THSD4: variants seen among roughly 807,000 people sequenced by gnomAD.
The protein encoded by THSD4 is thrombospondin type 1 domain containing 4.
Under a neutral mutation model 119.0 loss-of-function variants are expected in THSD4, and 69 were observed. That is an observed-to-expected ratio of 0.58 (90% confidence interval 0.48 to 0.71). The LOEUF is 0.71. Ranked by LOEUF, THSD4 falls within the 30% of genes least tolerant of loss-of-function variation. THSD4 has a pLI of 0.00. For synonymous variants in THSD4, 524 were observed against 540.4 expected, an observed-to-expected ratio of 0.97 and a Z score of 0.42; for missense variants, 1,393 against 1,391.1, an observed-to-expected ratio of 1.00 and a Z score of -0.02.
chr15:71,569,169 G>GC (rs1377241102), intron 7 of THSD4, among the ~76,000 whole-genome samples: 2 of 152,252 alleles, frequency 1.3e-5, no homozygotes, highest in East Asian at 3.8e-4. Flanking sequence ...CTGGTCAGGA[G>GC]CCCTGAAGCA....
At chr15:71,339,400 C>G (rs1306299943) in intron 6 of THSD4, among the ~76,000 whole-genome samples, 2 of 152,130 alleles carry the variant, frequency 1.3e-5, no homozygotes, top group Admixed American at 6.5e-5. Context: ...ATCCCCTCCC[C>G]CAACCGTCAC....
intron 6 of THSD4, among the ~76,000 whole-genome samples, chr15:71,262,240 C>T (rs904699256): frequency 6.6e-6 from 1 of 152,254 alleles, no homozygotes; most frequent in African/African-American, 2.4e-5. Context: ...GGTGACCTAT[C>T]CTTAGATAAT....
At chr15:71,522,858 A>AT (rs1168433643) in intron 7 of THSD4, among the ~76,000 whole-genome samples, 1 of 152,190 alleles carries the variant, frequency 6.6e-6, no homozygotes, top group Non-Finnish European at 1.5e-5. Flanking sequence ...GAAAAGGAAG[A>AT]TCTAGTAAGT....
chr15:71,253,975 A>G (rs940874864), intron 5 of THSD4, among the ~76,000 whole-genome samples: 1 of 152,208 alleles, frequency 6.6e-6, no homozygotes, highest in African/African-American at 2.4e-5. Flanking sequence ...CTGAATGTGC[A>G]TTGGTTTGTG....
intron 3 of THSD4, among the ~76,000 whole-genome samples, chr15:71,191,456 C>A (rs998608446): frequency 6.6e-6 from 1 of 152,228 alleles, no homozygotes. Context: ...ATTGGCCATT[C>A]GTGCCTTTGC....
intron 7 of THSD4, among the ~76,000 whole-genome samples, chr15:71,628,025 T>C (rs534763279): frequency 6.6e-6 from 1 of 152,272 alleles, no homozygotes; most frequent in Admixed American, 6.5e-5. Context: ...AGAGTTTGGG[T>C]GCCCCAGAGT....
At chr15:71,102,883 T>C (rs534366181) in intron 1 of THSD4, among the ~76,000 whole-genome samples, 1 of 152,314 alleles carries the variant, frequency 6.6e-6, no homozygotes, top group Non-Finnish European at 1.5e-5. Context: ...ATATCTTCTT[T>C]TTTCCCCCCT....
Position 71,154,942 on chromosome 15 carries a change from G to A in THSD4, c.99+10G>A, listed in dbSNP as rs1275599433. ...CACTCAACACAGGAAGGTAAGCCAT[G>A]GCCATCCAGAGGTTTTCTTCTCTGC... is the stretch of plus-strand genomic sequence containing the variant. On this transcript the variant is annotated intron_variant, in intron 3 of 17. Transcript: ENST00000261862. 6.2e-7 allele frequency: 1 copy of A among 1,613,888 alleles called. No individual in the cohort carries two copies. The highest frequency in any genetic ancestry group is 2.2e-5 in the East Asian group (1 of 44,888).
At chr15:71,629,785 T>C (rs1439197768) in intron 7 of THSD4, among the ~76,000 whole-genome samples, 1 of 152,206 alleles carries the variant, frequency 6.6e-6, no homozygotes, top group Non-Finnish European at 1.5e-5. Flanking sequence ...CCATCCTATA[T>C]GTAGCTGATA....
intron 7 of THSD4, among the ~76,000 whole-genome samples, chr15:71,434,514 T>C (rs1262523667): frequency 6.8e-6 from 1 of 147,048 alleles, no homozygotes; most frequent in African/African-American, 2.5e-5. Flanking sequence ...GATCTCTTCA[T>C]GTAGTATTGA....
At chr15:71,302,914 T>A (rs1215015438) in intron 6 of THSD4, among the ~76,000 whole-genome samples, 7 of 152,110 alleles carry the variant, frequency 4.6e-5, no homozygotes, top group African/African-American at 1.7e-4. Context: ...AGGAGGGTCT[T>A]GCAGTCATCT....
At chr15:71,392,119 A>C (rs1318550435) in intron 6 of THSD4, among the ~76,000 whole-genome samples, 6 of 152,240 alleles carry the variant, frequency 3.9e-5, no homozygotes, top group Non-Finnish European at 7.3e-5. Context: ...TTACTACTTA[A>C]GAGCAAGAGA....
At chr15:71,463,920 C>G (rs1244700371) in intron 7 of THSD4, among the ~76,000 whole-genome samples, 2 of 152,298 alleles carry the variant, frequency 1.3e-5, no homozygotes, top group African/African-American at 4.8e-5. Context: ...GTCATATGTT[C>G]CTGTGCAAGA....
At chr15:71,624,641 T>G (rs2050476066) in intron 7 of THSD4, among the ~76,000 whole-genome samples, 1 of 152,194 alleles carries the variant, frequency 6.6e-6, no homozygotes, top group Non-Finnish European at 1.5e-5. Context: ...CCCTCTTTTT[T>G]TTATGATGCC....
At chr15:71,150,154 T>G (rs1247661576) in intron 2 of THSD4, among the ~76,000 whole-genome samples, 2 of 152,174 alleles carry the variant, frequency 1.3e-5, no homozygotes, top group Non-Finnish European at 2.9e-5. Context: ...CGTTGCAAGC[T>G]GGGAGCGGTT....
chr15:71,585,427 T>G (rs1039767883), intron 7 of THSD4, among the ~76,000 whole-genome samples: 4 of 152,232 alleles, frequency 2.6e-5, no homozygotes, highest in Admixed American at 2.6e-4. Flanking sequence ...GCAAGGTTTC[T>G]GCCAAGAAAT....
intron 7 of THSD4, among the ~76,000 whole-genome samples, chr15:71,478,854 T>A: frequency 6.6e-6 from 1 of 152,162 alleles, no homozygotes; most frequent in East Asian, 1.9e-4. Flanking sequence ...CTCTTGGGCT[T>A]CCCTAATGGG....
intron 7 of THSD4, among the ~76,000 whole-genome samples, chr15:71,639,217 AC>A (rs1266192050): frequency 6.6e-6 from 1 of 152,232 alleles, no homozygotes; most frequent in Non-Finnish European, 1.5e-5. Context: ...AATCCATTCT[AC>A]CATTCCCTTT....
chr15:71,461,895 C>G (rs765529581), intron 7 of THSD4, among the ~76,000 whole-genome samples: 41 of 151,806 alleles, frequency 2.7e-4, no homozygotes, highest in Non-Finnish European at 4.4e-4. Flanking sequence ...TTGTTGCCAT[C>G]CTGGAGTGCA....
Sources: gnomAD v4.1 joint callset for allele counts (sites outside exome capture counted in the v4.1 genomes callset) on GRCh38, gnomAD v4.1.1 for gene constraint, MANE v1.5 for transcripts, NCBI Gene and HGNC (gene_info 2026-07-23, HGNC 2026-07-21) for gene names.